Variants in CAST observed in about 807,000 individuals in gnomAD.
The protein encoded by CAST is MIR583 host.
In CAST, 76 loss-of-function variants were observed where a neutral mutation model predicts 119.6. The ratio of observed to expected loss-of-function variants is 0.64; its 90% CI spans 0.53 to 0.77. The LOEUF (loss-of-function observed/expected upper bound fraction) is 0.77, where lower values mean the gene tolerates loss of function less well. CAST is among the 30% of genes least tolerant of loss of function. The pLI is 0.00. For synonymous variants in CAST, 319 were observed against 331.6 expected (o/e 0.96, Z 0.41); for missense variants, 953 against 946.5 (o/e 1.01, Z -0.09).
At chr5:96,756,548 G>A (rs1766369150) in intron 22 of CAST, among the ~76,000 whole-genome samples, 1 of 152,144 alleles carries the variant, frequency 6.6e-6, no homozygotes, top group Non-Finnish European at 1.5e-5. Flanking sequence ...AAATGCCCCC[G>A]TGAGCATTTC....
At chr5:96,184,878 T>G in the CAST span, among the ~76,000 whole-genome samples, 1 of 152,168 alleles carries the variant, frequency 6.6e-6, no homozygotes, top group Non-Finnish European at 1.5e-5. Context: ...CCCAGTAATG[T>G]GATTGCTAGG....
chr5:96,639,807 T>C (rs1196598413), intron 1 of CAST, among the ~76,000 whole-genome samples: 1 of 152,226 alleles, frequency 6.6e-6, no homozygotes, highest in Non-Finnish European at 1.5e-5. Flanking sequence ...TGTTTGAGTA[T>C]GCACGGTTTG....
the CAST span, among the ~76,000 whole-genome samples, chr5:96,376,647 G>A: frequency 6.6e-6 from 1 of 152,062 alleles, no homozygotes; most frequent in African/African-American, 2.4e-5. Context: ...CACCATGTGG[G>A]CCAGGCCGGT....
intron 1 of CAST, among the ~76,000 whole-genome samples, chr5:96,593,000 C>T (rs911830090): frequency 5.9e-5 from 9 of 152,118 alleles, no homozygotes; most frequent in African/African-American, 2.2e-4. Flanking sequence ...CTCCTGACCT[C>T]GTGATCCGCC....
the CAST span, among the ~76,000 whole-genome samples, chr5:96,358,118 A>G: frequency 1.3e-5 from 2 of 152,150 alleles, no homozygotes; most frequent in African/African-American, 4.8e-5. Flanking sequence ...TTATTTGCAT[A>G]GAGGTGTTTA....
the CAST span, among the ~76,000 whole-genome samples, chr5:96,507,307 G>A: frequency 1.2e-4 from 18 of 152,228 alleles, no homozygotes; most frequent in Admixed American, 7.2e-4. Flanking sequence ...GGGCCAAAGT[G>A]ACTTACCCTG....
the CAST span, among the ~76,000 whole-genome samples, chr5:96,020,822 AC>A: frequency 3.7e-5 from 2 of 54,600 alleles, no homozygotes; most frequent in Admixed American, 3.8e-4. Flanking sequence ...ACCATCCCCC[AC>A]CCCCCACCCC....
chr5:96,472,026 C>T, the CAST span, among the ~76,000 whole-genome samples: 13 of 152,006 alleles, frequency 8.6e-5, no homozygotes, highest in Non-Finnish European at 1.2e-4. Flanking sequence ...TCTGAATTTG[C>T]AACTCTGATT....
the CAST span, chr5:96,394,724 G>C: frequency 1.3e-6 from 1 of 761,024 alleles, no homozygotes; most frequent in African/African-American, 1.7e-5. Flanking sequence ...CTATGGAAAA[G>C]AATAGTTTAC....
the CAST span, chr5:96,415,983 G>A: frequency 1.7e-6 from 2 of 1,150,482 alleles, no homozygotes; most frequent in African/African-American, 1.5e-5. Flanking sequence ...AATGGGTGAT[G>A]TAAGCTTCAC....
At chr5:96,682,284 C>A (rs1445805449) in intron 2 of CAST, among the ~76,000 whole-genome samples, 1 of 152,208 alleles carries the variant, frequency 6.6e-6, no homozygotes, top group African/African-American at 2.4e-5. Context: ...AGGAGAGTTT[C>A]TGAAGTTTGC....
chr5:96,312,969 T>A, the CAST span, among the ~76,000 whole-genome samples: 1 of 152,096 alleles, frequency 6.6e-6, no homozygotes, highest in East Asian at 1.9e-4. Context: ...ATACTATGGA[T>A]GTTGTAGTTA....
chr5:96,077,622 C>G, the CAST span, among the ~76,000 whole-genome samples: 1 of 152,088 alleles, frequency 6.6e-6, no homozygotes, highest in South Asian at 2.1e-4. Context: ...TGTAAGTTCT[C>G]CCTCTATTAG....
At chr5:96,196,574 A>G in the CAST span, among the ~76,000 whole-genome samples, 1 of 152,236 alleles carries the variant, frequency 6.6e-6, no homozygotes, top group African/African-American at 2.4e-5. Context: ...TACTTGAGCC[A>G]GGACTTGAGC....
At chr5:96,452,569 C>A in the CAST span, among the ~76,000 whole-genome samples, 11 of 145,946 alleles carry the variant, frequency 7.5e-5, no homozygotes, top group Admixed American at 1.4e-4. Flanking sequence ...TGCAGCAAAG[C>A]ACCATGGCAC....
chr5:96,455,552 A>C, the CAST span, among the ~76,000 whole-genome samples: 2 of 152,336 alleles, frequency 1.3e-5, no homozygotes, highest in East Asian at 3.9e-4. Flanking sequence ...GCAACAGCTA[A>C]GGAGGGTCTT....
chr5:96,602,786 T>G (rs937444774), intron 1 of CAST, among the ~76,000 whole-genome samples: 7 of 152,170 alleles, frequency 4.6e-5, no homozygotes, highest in African/African-American at 1.7e-4. Flanking sequence ...CATGATAAAC[T>G]TATGGGAGAA....
intron 1 of CAST, among the ~76,000 whole-genome samples, chr5:96,615,247 G>A (rs957483958): frequency 1.3e-5 from 2 of 152,192 alleles, no homozygotes; most frequent in Non-Finnish European, 2.9e-5. Flanking sequence ...AGCAGCTTTG[G>A]TGTATTAAGT....
chr5:96,591,572 G>T (rs1369071312), intron 1 of CAST, among the ~76,000 whole-genome samples: 3 of 152,180 alleles, frequency 2.0e-5, no homozygotes, highest in Non-Finnish European at 4.4e-5. Context: ...ACTGGAAGGC[G>T]AATAGGTCTG....
Sources: allele counts gnomAD v4.1 joint callset (sites outside exome capture counted in the v4.1 genomes callset), GRCh38; gene constraint gnomAD v4.1.1; transcripts MANE v1.5; gene names NCBI Gene and HGNC (gene_info 2026-07-23, HGNC 2026-07-21).